Variants in SYN1 observed in about 807,000 individuals in gnomAD.
The protein encoded by SYN1 is synapsin I.
In SYN1, 8 loss-of-function variants were observed where a neutral mutation model predicts 44.6. The observed-to-expected ratio is 0.18, with a 90% CI of 0.11 to 0.32. The LOEUF (loss-of-function observed/expected upper bound fraction) is 0.32. Among genes scored for constraint, SYN1 ranks in the 10% least tolerant of loss-of-function variants. SYN1 has a pLI of 1.00. For missense variants in SYN1, 451 were observed against 639.4 expected (o/e 0.71, Z 3.18); for synonymous variants, 275 against 280.1 (o/e 0.98, Z 0.18).
At chrX:47,582,660 C>A in intron 5 of SYN1, 1 of 318,036 alleles carries the variant, frequency 3.1e-6, no homozygotes, top group South Asian at 2.9e-5. Context: ...AACCCCGAGG[C>A]TCCAAACTCC....
Position 47,584,208 on chromosome X carries a change from T to TATTGAGGATGATCAGAG in SYN1, c.775-6724_775-6708dup, listed in dbSNP as rs1278103568. ...CAGTCAGATAGCAAGGATGATCAGG[T>TATTGAGGATGATCAGAG]ATTGAGGATGATCAGAGATTGAGGA... On this transcript the variant is annotated intron_variant, in intron 5 of 12. Coordinates refer to ENST00000295987, the MANE Select transcript of SYN1 (RefSeq NM_006950.3). 1.1e-3 allele frequency among the ~76,000 whole-genome samples: 116 copies of TATTGAGGATGATCAGAG among 107,366 alleles called. 1 individual carries two copies. The highest frequency in any genetic ancestry group is 3.9e-3 in the African/African-American group (112 of 29,070). The allele number at this position is 107,366 out of a possible 115,157, so 93.2% of individuals were successfully genotyped here. A position where few individuals can be genotyped will look rare whatever the true frequency, so the allele number is the denominator to read the frequency against.
intron 5 of SYN1, among the ~76,000 whole-genome samples, chrX:47,579,427 C>T (rs180957582): frequency 3.0e-3 from 333 of 111,116 alleles, no homozygotes; most frequent in Non-Finnish European, 5.2e-3. Flanking sequence ...GCCTCAGTTT[C>T]CCCATCTGCA....
intron 5 of SYN1, among the ~76,000 whole-genome samples, chrX:47,590,620 G>A (rs956501601): frequency 9.0e-6 from 1 of 111,524 alleles, no homozygotes; most frequent in African/African-American, 3.3e-5. Flanking sequence ...TGCACTCTGC[G>A]AGATGGGGGG....
rs55877130 is a variant in SYN1 at position 47,585,925 on chromosome X, C to T, written c.775-8424G>A. On this transcript the variant is annotated intron_variant, in intron 5 of 12. Transcript: ENST00000295987. Reference sequence around the variant, plus strand: ...TGGTCCCTCTAATTCTCCCTTGTGACTATTCTGTAATCCCACTCCCCGTTC... The same window carrying T: ...TGGTCCCTCTAATTCTCCCTTGTGATTATTCTGTAATCCCACTCCCCGTTC... The T allele has an allele frequency of 6.0e-3, 6,674 of 1,111,249 alleles. 18 individuals are homozygous for T. The highest frequency in any genetic ancestry group is 7.3e-3 in the Non-Finnish European group (6,132 of 845,278). The allele number at this position is 1,111,249 out of a possible 1,213,427, so 91.6% of individuals were successfully genotyped here.
Position 47,576,377 on chromosome X carries a change from G to C in SYN1, c.1010C>G (p.Thr337Ser), listed in dbSNP as rs1410946534. The change falls in exon 8 of 13, where the codon ACC becomes AGC. Residue 337 changes from threonine (T) to serine (S), a missense_variant. Coordinates refer to ENST00000295987, the MANE Select transcript of SYN1 (RefSeq NM_006950.3). ...CTCCAGCATCGCAGAGCCAGTATTG[G>C]TCTTCCAGTTCCCTGACACTGACGT... is the stretch of plus-strand genomic sequence containing the variant. ...MRTSVSGNWK[T>S]NTGSAMLEQI... 1 of 1,210,337 alleles carries C rather than the reference G, an allele frequency of 8.3e-7. No homozygotes were observed. Among genetic ancestry groups the C allele is most frequent in the Non-Finnish European group, 1.1e-6 (1 of 895,336 alleles).
At position 47,619,386 on chromosome X, in the gene SYN1, C is replaced by T; in HGVS notation, c.343G>A (p.Val115Met). 1 of 1,195,346 alleles carries T rather than the reference C, an allele frequency of 8.4e-7. No individual in the cohort carries two copies. Among genetic ancestry groups the T allele is most frequent in the Non-Finnish European group, 1.1e-6 (1 of 892,269 alleles). Reference sequence around the variant, plus strand: ...TGCGGCTCGTCGATGACCAGCAGCACCCTGGAGGCGGCTCCCCCGCGGCCT... The same window carrying T: ...TGCGGCTCGTCGATGACCAGCAGCATCCTGGAGGCGGCTCCCCCGCGGCCT... ...GAGRGGAASR[V>M]LLVIDEPHTD... Residue 115 changes from valine to methionine, a missense_variant, in exon 1 of 13, where the codon GTG (valine) becomes ATG (methionine). Val to Met is a conservative substitution (Grantham distance 21, BLOSUM62 1). Around this residue, in one of 3 missense-constraint regions of SYN1, gnomAD observed 315 missense variants for 451.4 expected, o/e 0.70. Coordinates refer to ENST00000295987, the MANE Select transcript of SYN1 (RefSeq NM_006950.3).
At chrX:47,603,791 T>G (rs1212284933) in intron 5 of SYN1, among the ~76,000 whole-genome samples, 1 of 110,303 alleles carries the variant, frequency 9.1e-6, no homozygotes, top group African/African-American at 3.3e-5. Context: ...ATTATTCAAT[T>G]TCTACTAGAA....
rs2046592888 is a variant in SYN1 at position 47,606,181 on chromosome X, C to T, written c.527+764G>A. ...GTGCTGGGATTATAGGCATGAGCCA[C>T]CACATCCGGCCACTGTTATGTTTTT... is the stretch of plus-strand genomic sequence containing the variant. On this transcript the variant is annotated intron_variant, in intron 3 of 12. Transcript: ENST00000295987. Among the ~76,000 whole-genome samples the T allele has an allele frequency of 3.6e-5, 4 of 111,654 alleles. No individual in the cohort carries two copies. In the Admixed American group the frequency reaches 3.8e-4, roughly 11 times the overall value.
intron 5 of SYN1, among the ~76,000 whole-genome samples, 159 bp from the exon 6 acceptor site, chrX:47,577,660 C>A (rs1215657792): frequency 9.0e-6 from 1 of 110,534 alleles, no homozygotes; most frequent in African/African-American, 3.3e-5. Context: ...GGGGGTCACA[C>A]AGTGTCTCCA....
At chrX:47,578,221 A>G (rs1053637891) in intron 5 of SYN1, among the ~76,000 whole-genome samples, 1 of 110,485 alleles carries the variant, frequency 9.1e-6, no homozygotes, top group African/African-American at 3.3e-5. Context: ...ACCCAAACCC[A>G]CATCACCATC....
intron 5 of SYN1, among the ~76,000 whole-genome samples, chrX:47,597,104 C>A (rs755364302): frequency 9.0e-6 from 1 of 111,051 alleles, no homozygotes; most frequent in South Asian, 3.8e-4. Flanking sequence ...GAGACTGAGG[C>A]GGGTGGATCA....
chrX:47,592,760 T>G (rs1350128521), intron 5 of SYN1, among the ~76,000 whole-genome samples: 1 of 112,166 alleles, frequency 8.9e-6, no homozygotes, highest in Non-Finnish European at 1.9e-5. Context: ...TCTTATTTTT[T>G]TTGTTGTTAT....
chrX:47,609,337 C>T (rs934148295), intron 1 of SYN1, among the ~76,000 whole-genome samples: 2 of 111,910 alleles, frequency 1.8e-5, no homozygotes, highest in African/African-American at 6.5e-5. Context: ...TCCCCATGGT[C>T]TGGTCTATGA....
Position 47,572,819 on chromosome X carries a change from C to T in SYN1, c.*45G>A. The T allele has an allele frequency of 8.3e-7, 1 of 1,209,800 alleles. No individual in the cohort carries two copies. The highest frequency in any genetic ancestry group is 3.0e-5 in the East Asian group (1 of 33,774). Reference sequence around the variant, plus strand: ...AAAAGTGAGAAATGGATTCAGGGCCCAGAGAAGGGTTGCCCAGGGATTTTG... The same window carrying T: ...AAAAGTGAGAAATGGATTCAGGGCCTAGAGAAGGGTTGCCCAGGGATTTTG... On this transcript the variant is annotated 3_prime_UTR_variant, in exon 13 of 13. Transcript: ENST00000295987.
chrX:47,600,571 A>G (rs758126823), intron 5 of SYN1, among the ~76,000 whole-genome samples: 1 of 112,059 alleles, frequency 8.9e-6, no homozygotes, highest in African/African-American at 3.2e-5. Context: ...TCACCCTACA[A>G]TGGCAGAATA....
chrX:47,595,198 C>T (rs1173596147), intron 5 of SYN1, among the ~76,000 whole-genome samples: 1 of 111,720 alleles, frequency 9.0e-6, no homozygotes, highest in African/African-American at 3.3e-5. Flanking sequence ...CCACATGCTT[C>T]GTCCTCTGCA....
intron 5 of SYN1, among the ~76,000 whole-genome samples, chrX:47,600,679 C>T (rs980751069): frequency 6.3e-5 from 7 of 111,679 alleles, no homozygotes; most frequent in African/African-American, 2.3e-4. Context: ...TGAAATTATA[C>T]AAAATATGTT....
chrX:47,588,537 T>G (rs1266977326), intron 5 of SYN1, among the ~76,000 whole-genome samples: 1 of 111,964 alleles, frequency 8.9e-6, no homozygotes, highest in African/African-American at 3.2e-5. Flanking sequence ...CCAAGTGCAA[T>G]GCAGAATGGA....
At chrX:47,585,907 T>C in intron 5 of SYN1, 1 of 1,124,878 alleles carries the variant, frequency 8.9e-7, no homozygotes, top group South Asian at 1.9e-5. Context: ...CCCTGGTCCC[T>C]CTAATTCTCC....
Sources: gnomAD v4.1 joint callset for allele counts (sites outside exome capture counted in the v4.1 genomes callset) on GRCh38, gnomAD v4.1.1 for gene constraint, gnomAD v4.1.1 regional missense constraint, MANE v1.5 for transcripts, NCBI Gene and HGNC (gene_info 2026-07-23, HGNC 2026-07-21) for gene names.